Variants in SPOCK1 observed in about 807,000 individuals in gnomAD.
The protein encoded by SPOCK1 is testican-1.
Under a neutral mutation model 55.3 loss-of-function variants are expected in SPOCK1, and 23 were observed. The observed-to-expected ratio is 0.42, with a 90% CI of 0.30 to 0.59. The LOEUF is 0.59. SPOCK1 is among the 20% of genes least tolerant of loss of function. The pLI is 0.22. For missense variants in SPOCK1, 499 were observed against 552.5 expected (o/e 0.90, Z 0.97); for synonymous variants, 226 against 221.0 (o/e 1.02, Z -0.20).
chr5:137,150,040 T>A (rs1402643004), intron 3 of SPOCK1, among the ~76,000 whole-genome samples: 1 of 152,158 alleles, frequency 6.6e-6, no homozygotes, highest in African/African-American at 2.4e-5. Context: ...TACCAGCTCT[T>A]TTTAGCTTGC....
chr5:137,120,268 A>C (rs995802813), intron 4 of SPOCK1, among the ~76,000 whole-genome samples: 5 of 152,208 alleles, frequency 3.3e-5, no homozygotes, highest in African/African-American at 1.2e-4. Context: ...CATGCTTTCC[A>C]AACCAGCCCC....
chr5:137,392,150 T>G (rs1735798396), intron 2 of SPOCK1, among the ~76,000 whole-genome samples: 1 of 152,164 alleles, frequency 6.6e-6, no homozygotes, highest in African/African-American at 2.4e-5. Context: ...GGTCACTCCT[T>G]CACTGGCTCA....
intron 7 of SPOCK1, among the ~76,000 whole-genome samples, chr5:136,990,988 C>T (rs971351658): frequency 2.6e-5 from 4 of 152,136 alleles, no homozygotes; most frequent in African/African-American, 9.7e-5. Context: ...TTCAGAACTC[C>T]TAGACTCAAA....
intron 2 of SPOCK1, among the ~76,000 whole-genome samples, chr5:137,314,309 C>T (rs1228912033): frequency 6.6e-6 from 1 of 152,124 alleles, no homozygotes; most frequent in African/African-American, 2.4e-5. Flanking sequence ...CTTTCTAATA[C>T]CAGTTCAAAG....
At chr5:137,465,237 T>C (rs2076134521) in intron 2 of SPOCK1, among the ~76,000 whole-genome samples, 1 of 152,114 alleles carries the variant, frequency 6.6e-6, no homozygotes, top group Admixed American at 6.5e-5. Context: ...GACTACCAAA[T>C]CAAACACACT....
chr5:137,420,894 G>C (rs555044352), intron 2 of SPOCK1, among the ~76,000 whole-genome samples: 1 of 152,258 alleles, frequency 6.6e-6, no homozygotes, highest in South Asian at 2.1e-4. Flanking sequence ...ATGTCAGGTT[G>C]TCAATTTTAG....
At chr5:137,408,335 T>C (rs1752142451) in intron 2 of SPOCK1, among the ~76,000 whole-genome samples, 1 of 152,110 alleles carries the variant, frequency 6.6e-6, no homozygotes, top group Admixed American at 6.5e-5. Context: ...AGTGGGGATG[T>C]GGAGGGGAGA....
chr5:137,223,460 G>T (rs9327777), intron 3 of SPOCK1, among the ~76,000 whole-genome samples: 2,992 of 152,092 alleles, frequency 0.02, 97 homozygotes, highest in African/African-American at 0.069. Context: ...CACTTCATTT[G>T]TGCCCTTTAT....
chr5:137,026,435 C>G (rs984718477), intron 6 of SPOCK1, among the ~76,000 whole-genome samples: 1 of 152,166 alleles, frequency 6.6e-6, no homozygotes, highest in Admixed American at 6.5e-5. Context: ...AGACTGACCT[C>G]CCCTGAAAAA....
At position 136,978,668 on chromosome 5, in the gene SPOCK1, C is replaced by T. The variant is rs997220723; in HGVS notation, c.1306G>A (p.Gly436Arg). 4 of 1,609,138 alleles carry T rather than the reference C, an allele frequency of 2.5e-6. No individual in the cohort carries two copies. Among genetic ancestry groups the T allele is most frequent in the Non-Finnish European group, 1.7e-6 (2 of 1,178,106 alleles). Reference protein sequence around the residue: ...DEDDDKEDEVGYIW With the variant: ...DEDDDKEDEVRYIW Reference sequence around the variant, plus strand: ...TCTTGTGGGCACTACCATATGTACCCGACCTCATCCTCTTTGTCATCATCC... The same window carrying T: ...TCTTGTGGGCACTACCATATGTACCTGACCTCATCCTCTTTGTCATCATCC... Residue 436 changes from glycine to arginine, a missense_variant, in exon 11 of 11, where the codon GGG becomes AGG. Gly to Arg is a moderately radical substitution (Grantham distance 125). Around this residue, in one of 3 missense-constraint regions of SPOCK1, gnomAD observed 83 missense variants for 87.5 expected, o/e 0.95. Coordinates refer to ENST00000394945, the MANE Select transcript of SPOCK1 (RefSeq NM_004598.4).
chr5:137,341,140 C>G (rs1750414496), intron 2 of SPOCK1, among the ~76,000 whole-genome samples: 1 of 152,216 alleles, frequency 6.6e-6, no homozygotes, highest in South Asian at 2.1e-4. Flanking sequence ...CCACAGTCTC[C>G]CCAAGGGGGA....
At chr5:137,236,505 T>A (rs1756184454) in intron 3 of SPOCK1, among the ~76,000 whole-genome samples, 1 of 152,234 alleles carries the variant, frequency 6.6e-6, no homozygotes, top group Non-Finnish European at 1.5e-5. Context: ...TGTGAACCTC[T>A]GCTTAAACTC....
At chr5:136,979,207 C>T in intron 10 of SPOCK1, 125 bp downstream of exon 10, 1 of 1,362,872 alleles carries the variant, frequency 7.3e-7, no homozygotes, top group African/African-American at 1.4e-5. Flanking sequence ...GGTTACTATG[C>T]CTCTATTATA....
intron 2 of SPOCK1, among the ~76,000 whole-genome samples, chr5:137,352,777 G>C (rs866249554): frequency 7.2e-5 from 11 of 152,192 alleles, no homozygotes; most frequent in African/African-American, 2.4e-4. Context: ...TATAGCTAAG[G>C]AGAATTTGTC....
chr5:137,457,595 C>G (rs1753392387), intron 2 of SPOCK1, among the ~76,000 whole-genome samples: 2 of 152,144 alleles, frequency 1.3e-5, no homozygotes, highest in Non-Finnish European at 2.9e-5. Flanking sequence ...TGTGGCAGTC[C>G]TCTTTCAATG....
intron 2 of SPOCK1, among the ~76,000 whole-genome samples, chr5:137,393,528 G>T (rs1000273302): frequency 2.6e-5 from 4 of 152,300 alleles, no homozygotes; most frequent in Non-Finnish European, 5.9e-5. Context: ...TCAGTGGCTG[G>T]TCGATTTGCA....
At chr5:136,990,190 T>G (rs540244129) in intron 7 of SPOCK1, among the ~76,000 whole-genome samples, 138 of 152,194 alleles carry the variant, frequency 9.1e-4, no homozygotes, top group African/African-American at 3.2e-3. Flanking sequence ...GATTACAAGC[T>G]TGAGCCACCG....
At chr5:137,153,400 G>A (rs925480982) in intron 3 of SPOCK1, among the ~76,000 whole-genome samples, 3 of 152,040 alleles carry the variant, frequency 2.0e-5, no homozygotes, top group Non-Finnish European at 4.4e-5. Flanking sequence ...TTAATGTAGG[G>A]GAGACTTCAA....
chr5:137,270,559 A>G (rs1756942512), intron 2 of SPOCK1, among the ~76,000 whole-genome samples: 1 of 152,238 alleles, frequency 6.6e-6, no homozygotes, highest in Admixed American at 6.5e-5. Flanking sequence ...CCATTTCACT[A>G]TAGCATTTCA....
Sources: gnomAD v4.1 joint callset for allele counts (sites outside exome capture counted in the v4.1 genomes callset) on GRCh38, gnomAD v4.1.1 for gene constraint, gnomAD v4.1.1 regional missense constraint, MANE v1.5 for transcripts, NCBI Gene and HGNC (gene_info 2026-07-23, HGNC 2026-07-21) for gene names.